PCDHGA4: variants seen among roughly 807,000 people sequenced by gnomAD.
PCDHGA4 encodes the protein protocadherin gamma-A4.
In PCDHGA4, 38 loss-of-function variants were observed where a neutral mutation model predicts 54.6. The ratio of observed to expected loss-of-function variants is 0.70; its 90% CI spans 0.54 to 0.91. PCDHGA4 has a LOEUF of 0.91. Ranked by LOEUF, PCDHGA4 falls within the 40% of genes least tolerant of loss-of-function variation. PCDHGA4 has a pLI of 0.00. For missense variants in PCDHGA4, 1,298 were observed against 1,220.9 expected, an observed-to-expected ratio of 1.06 and a Z score of -0.94; for synonymous variants, 511 against 512.9, an observed-to-expected ratio of 1.00 and a Z score of 0.05.
chr5:141,415,443 C>T, intron 1 of PCDHGA4: 1 of 1,614,196 alleles, frequency 6.2e-7, no homozygotes, highest in Non-Finnish European at 8.5e-7. Context: ...TCCTGCAGAC[C>T]TATTCCCACG....
chr5:141,485,886 A>G lies in PCDHGA4; in HGVS notation c.2515-8921A>G. 1.9e-6 allele frequency: 3 copies of G among 1,614,132 alleles called. No individual in the cohort carries two copies. Among genetic ancestry groups the G allele is most frequent in the Non-Finnish European group, 2.5e-6 (3 of 1,180,016 alleles). On this transcript the variant is annotated intron_variant, in intron 1 of 3. Transcript: ENST00000571252. This position sits in a 1 kb window ranked among gnomAD's most constrained non-coding sequence, Gnocchi z 5.7. ...GTATCCGTGCTGGACGTAAACGACAACGCCCCAGCCTTCCAGCAATCCAGC... is the reference window on the plus strand; with the variant it reads ...GTATCCGTGCTGGACGTAAACGACAGCGCCCCAGCCTTCCAGCAATCCAGC...
At chr5:141,371,535 G>C (rs1389993070) in intron 1 of PCDHGA4, 1 of 1,613,716 alleles carries the variant, frequency 6.2e-7, no homozygotes, top group Non-Finnish European at 8.5e-7. Flanking sequence ...ATTTAATGGA[G>C]AAATCCTATG....
intron 1 of PCDHGA4, chr5:141,375,919 C>T: frequency 1.2e-6 from 2 of 1,613,730 alleles, no homozygotes; most frequent in East Asian, 2.2e-5. Context: ...TCAAGGCCAG[C>T]GAGCCAGGAC....
Position 141,422,468 on chromosome 5 carries a change from A to T in PCDHGA4, c.2514+64847A>T, listed in dbSNP as rs555211298. On this transcript the variant is annotated intron_variant, in intron 1 of 3. Transcript: ENST00000571252. ...ATAACAAGCAGAGTGCTGGACAGGG[A>T]GTTGGTCCAGAGCTACAATATAACG... 59 of 1,613,640 alleles carry T rather than the reference A, an allele frequency of 3.7e-5. No homozygotes were observed. In the South Asian group the frequency reaches 4.7e-4, roughly 13 times the overall value.
chr5:141,376,214 C>T, intron 1 of PCDHGA4: 1 of 1,614,204 alleles, frequency 6.2e-7, no homozygotes, highest in Non-Finnish European at 8.5e-7. Flanking sequence ...CGTCATCGTG[C>T]TGCTGGCGCT....
intron 1 of PCDHGA4, chr5:141,422,903 A>G (rs1444530801): frequency 1.9e-6 from 3 of 1,614,036 alleles, no homozygotes; most frequent in African/African-American, 2.7e-5. Context: ...CAGAACGACA[A>G]TGCGCCCGAG....
intron 1 of PCDHGA4, chr5:141,478,873 T>C: frequency 7.8e-7 from 1 of 1,274,424 alleles, no homozygotes; most frequent in African/African-American, 1.5e-5. Context: ...GATCAGAGTT[T>C]AGCTTGGTAT....
At chr5:141,374,838 C>G (rs772961429) in intron 1 of PCDHGA4, 7 of 1,613,846 alleles carry the variant, frequency 4.3e-6, no homozygotes, top group Non-Finnish European at 5.9e-6. Context: ...GTAAGTGTTC[C>G]TGAAAACCTG....
chr5:141,450,264 C>T (rs1395960399), intron 1 of PCDHGA4, among the ~76,000 whole-genome samples: 1 of 152,112 alleles, frequency 6.6e-6, no homozygotes, highest in Non-Finnish European at 1.5e-5. Flanking sequence ...GTGATCTGCC[C>T]ACCTCAGCTA....
rs2099692814 is a variant in PCDHGA4 at position 141,489,840 on chromosome 5, G to A, written c.2515-4967G>A. 6.2e-7 allele frequency: 1 copy of A among 1,614,190 alleles called. No individual in the cohort carries two copies. The highest frequency in any genetic ancestry group is 8.5e-7 in the Non-Finnish European group (1 of 1,179,990). On this transcript the variant is annotated intron_variant, in intron 1 of 3. Coordinates refer to ENST00000571252, the MANE Select transcript of PCDHGA4 (RefSeq NM_018917.4). The surrounding 1 kb of genome is among the most constrained non-coding windows in gnomAD (Gnocchi z 4.5). ...CAGAGCTGGTGCTAGAGCAGCAGCT[G>A]GATCGTGAAGCCCAGGCAAGACATC... is the stretch of plus-strand genomic sequence containing the variant.
intron 1 of PCDHGA4, chr5:141,414,096 A>G (rs2095708665): frequency 1.9e-6 from 3 of 1,595,210 alleles, no homozygotes; most frequent in Middle Eastern, 3.3e-4. Context: ...AAATAAAAAT[A>G]TCAGAAAATC....
Position 141,489,384 on chromosome 5 carries a change from T to C in PCDHGA4, c.2515-5423T>C, listed in dbSNP as rs2099686499. The stretch of plus-strand genomic sequence containing the variant: ...AGCCGGGGACGCTGGTGGGGAATGT[T>C]GCTCAGGATCTGGGCTTAAAGATGA... On this transcript the variant is annotated intron_variant, in intron 1 of 3. Transcript: ENST00000571252. The surrounding 1 kb of genome is among the most constrained non-coding windows in gnomAD (Gnocchi z 4.5). 1 of 1,613,986 alleles carries C rather than the reference T, an allele frequency of 6.2e-7. No individual in the cohort carries two copies. The highest frequency in any genetic ancestry group is 8.5e-7 in the Non-Finnish European group (1 of 1,179,842).
intron 1 of PCDHGA4, chr5:141,417,710 T>C: frequency 8.0e-7 from 1 of 1,249,348 alleles, no homozygotes; most frequent in Non-Finnish European, 1.1e-6. Context: ...ACACAGAGGC[T>C]CCCGGCTGCG....
rs1177173734 is a variant in PCDHGA4, at chr5:141,491,741, G to A, written c.2515-3066G>A. ...CCGCCCCGGGCGACCCCTGGGGGCG[G>A]CACTGGAGAAGCCGCCCGTCCTCAT... On this transcript the variant is annotated intron_variant, in intron 1 of 3. Coordinates refer to ENST00000571252, the MANE Select transcript of PCDHGA4 (RefSeq NM_018917.4). The surrounding 1 kb of genome is among the most constrained non-coding windows in gnomAD (Gnocchi z 6.9). 1.9e-6 allele frequency: 3 copies of A among 1,595,644 alleles called. No homozygotes were observed. In the South Asian group the frequency reaches 3.4e-5, roughly 18 times the overall value.
intron 1 of PCDHGA4, chr5:141,374,270 G>A (rs377535875): frequency 1.2e-6 from 2 of 1,613,872 alleles, no homozygotes; most frequent in African/African-American, 1.3e-5. Context: ...GGCGGAGCAC[G>A]GAGTCCGCAT....
intron 1 of PCDHGA4, chr5:141,372,960 G>T (rs1769206598): frequency 1.4e-6 from 1 of 709,456 alleles, no homozygotes; most frequent in Non-Finnish European, 2.2e-6. Context: ...ATTCTTTGTA[G>T]AATTTCCTGT....
rs754577584 is a variant in PCDHGA4, at chr5:141,384,611, G to A, written c.2514+26990G>A. The A allele has an allele frequency of 4.3e-6, 7 of 1,614,098 alleles. No individual in the cohort carries two copies. The highest frequency in any genetic ancestry group is 5.9e-6 in the Non-Finnish European group (7 of 1,180,050). On this transcript the variant is annotated intron_variant, in intron 1 of 3. Coordinates refer to ENST00000571252, the MANE Select transcript of PCDHGA4 (RefSeq NM_018917.4). ...CTGTACCCGGCCCTCCCCACAGATG[G>A]TTCTACTGGCATGGAGCTGGCACCC...
chr5:141,481,053 A>T (rs2099530801), intron 1 of PCDHGA4, among the ~76,000 whole-genome samples: 1 of 152,104 alleles, frequency 6.6e-6, no homozygotes, highest in Non-Finnish European at 1.5e-5. Flanking sequence ...GCGAGACTCC[A>T]CCTCAAAAAC....
intron 2 of PCDHGA4, among the ~76,000 whole-genome samples, chr5:141,498,967 G>A (rs896386012): frequency 1.5e-5 from 2 of 129,584 alleles, no homozygotes. Context: ...GAGGGAGGGA[G>A]GGAGGGAAGG....
Sources: allele counts gnomAD v4.1 joint callset (sites outside exome capture counted in the v4.1 genomes callset), GRCh38; gene constraint gnomAD v4.1.1; non-coding constraint Gnocchi (gnomAD v3.1); transcripts MANE v1.5; gene names NCBI Gene and HGNC (gene_info 2026-07-23, HGNC 2026-07-21).